The following SETD1B variants were observed in gnomAD, a reference collection of about 807,000 sequenced individuals.
SETD1B encodes the protein histone-lysine N-methyltransferase SETD1B.
SETD1B carries 7 observed loss-of-function variants against 148.0 expected under a neutral mutation model. The observed-to-expected ratio is 0.05, with a 90% CI of 0.03 to 0.09. SETD1B has a LOEUF of 0.09. Among genes scored for constraint, SETD1B ranks in the 10% least tolerant of loss-of-function variants. SETD1B has a pLI of 1.00. For synonymous variants in SETD1B, 1,361 were observed against 1,186.5 expected, an observed-to-expected ratio of 1.15 and a Z score of -3.02; for missense variants, 2,155 against 2,729.9, an observed-to-expected ratio of 0.79 and a Z score of 4.69.
In SETD1B at chr12:121,817,793, C is replaced by A. The variant is rs1418957532; in HGVS notation, c.3313-6C>A. 1 of 1,548,526 alleles carries A rather than the reference C, an allele frequency of 6.5e-7. No individual in the cohort carries two copies. Among genetic ancestry groups the A allele is most frequent in the Non-Finnish European group, 8.7e-7 (1 of 1,145,280 alleles). On this transcript the variant is annotated splice_polypyrimidine_tract_variant and splice_region_variant and intron_variant, in intron 9 of 16. Coordinates refer to ENST00000604567, the MANE Select transcript of SETD1B (RefSeq NM_001353345.2). The surrounding 1 kb of genome is among the most constrained non-coding windows in gnomAD (Gnocchi z 8.1). ...TCACCTGTCCCCACTCTTCCTTCTC[C>A]CCCAGGATGACGACGATGACGACAG...
the SETD1B span, chr12:121,793,378 C>G: frequency 6.9e-7 from 1 of 1,448,198 alleles, no homozygotes; most frequent in Non-Finnish European, 9.4e-7. Flanking sequence ...CCCGAGGGGG[C>G]GCCCCGGGGT....
rs1875632916 is a variant in SETD1B at position 121,804,713 on chromosome 12, C to T, written c.-14-11C>T. 6.5e-7 allele frequency: 1 copy of T among 1,546,272 alleles called. No individual in the cohort carries two copies. Among genetic ancestry groups the T allele is most frequent in the African/African-American group, 1.4e-5 (1 of 72,540 alleles). ...CCGCGGCGGAGACGACAACAACTTG[C>T]TGGTTTTCAGGTTGGGTTAACGGCA... On this transcript the variant is annotated splice_polypyrimidine_tract_variant and intron_variant, in intron 1 of 16. Transcript: ENST00000604567. The surrounding 1 kb of genome is among the most constrained non-coding windows in gnomAD (Gnocchi z 4.6).
In SETD1B at chr12:121,832,387, G is replaced by A. The variant is rs1043704686; in HGVS notation, c.*2148G>A. 1 of 153,498 alleles carries A rather than the reference G, an allele frequency of 6.5e-6. No individual in the cohort carries two copies. Among genetic ancestry groups the A allele is most frequent in the African/African-American group, 2.4e-5 (1 of 41,364 alleles). The allele number at this position is 153,498 out of a possible 1,614,324, so 9.5% of individuals were successfully genotyped here. A position where few individuals can be genotyped will look rare whatever the true frequency, so the allele number is the denominator to read the frequency against. ...TCTTTCAACTCCCTCATTTTTCATTGAACAAATCTCTGCTTTTCAAGAGTT... is the reference window on the plus strand; with the variant it reads ...TCTTTCAACTCCCTCATTTTTCATTAAACAAATCTCTGCTTTTCAAGAGTT... On this transcript the variant is annotated 3_prime_UTR_variant, in exon 17 of 17. Transcript: ENST00000604567.
At chr12:121,821,993 G>A (rs1876585451) in intron 11 of SETD1B, among the ~76,000 whole-genome samples, 1 of 152,108 alleles carries the variant, frequency 6.6e-6, no homozygotes, top group Non-Finnish European at 1.5e-5. Flanking sequence ...TAGGCAGGAG[G>A]ATCCCTTGAG....
rs1427978047 is a variant in SETD1B at position 121,823,150 on chromosome 12, G to A, written c.4571G>A (p.Arg1524Gln). ...PMKRKPGRPR[R>Q]SPPSMLSLDG... The stretch of plus-strand genomic sequence containing the variant: ...AAGAGGAAGCCGGGCCGGCCCCGGC[G>A]ATCCCCACCATCTATGCTCTCCTTG... Residue 1524 changes from arginine (R) to glutamine (Q), a missense_variant, in exon 12 of 17, where the codon CGA (arginine) becomes CAA (glutamine). Coordinates refer to ENST00000604567, the MANE Select transcript of SETD1B (RefSeq NM_001353345.2). 5.9e-6 allele frequency: 9 copies of A among 1,536,294 alleles called. No homozygotes were observed. The highest frequency in any genetic ancestry group is 2.5e-5 in the East Asian group (1 of 40,578).
At position 121,823,545 on chromosome 12, in the gene SETD1B, C is replaced by T. The variant is rs1876691401; in HGVS notation, c.4966C>T (p.Pro1656Ser). 6.4e-7 allele frequency: 1 copy of T among 1,551,178 alleles called. No individual in the cohort carries two copies. The highest frequency in any genetic ancestry group is 2.4e-5 in the East Asian group (1 of 40,904). ...GAAGCGCCATGAGGACCTGGTGCCA[C>T]CTGCGGGCTCGCCCGAACTCTCGCC... ...PKKRHEDLVPPAGSPELSPPQ... is the reference protein window; with the variant it reads ...PKKRHEDLVPSAGSPELSPPQ... The change falls in exon 12 of 17, where the codon CCT becomes TCT. Residue 1656 changes from proline to serine, a missense_variant. Pro to Ser is a moderately conservative substitution (Grantham distance 74). This residue lies in a region of SETD1B where 862 missense variants were observed against 873.8 expected (regional missense o/e 0.99). Transcript: ENST00000604567.
At chr12:121,828,095 C>G (rs890536473) in intron 16 of SETD1B, 25 bp downstream of exon 16, 1 of 1,550,000 alleles carries the variant, frequency 6.5e-7, no homozygotes. Context: ...GGGGGTGGCC[C>G]CTGCCCCTGC....
At chr12:121,796,767 C>A in the SETD1B span, among the ~76,000 whole-genome samples, 1 of 152,202 alleles carries the variant, frequency 6.6e-6, no homozygotes, top group African/African-American at 2.4e-5. Context: ...TCCGGCCAGG[C>A]GCGGTGGCTC....
At position 121,808,234 on chromosome 12, in the gene SETD1B, C is replaced by T. The variant is rs768779331; in HGVS notation, c.571C>T (p.Leu191=). ...KGETRMRFYE[L]LVTGRYTPQT... is the part of the protein sequence containing the mutation. Reference sequence around the variant, plus strand: ...GGAAACCCGAATGCGGTTCTATGAACTGTTGGTCACTGGCCGATACACCCC... The same window carrying T: ...GGAAACCCGAATGCGGTTCTATGAATTGTTGGTCACTGGCCGATACACCCC... Residue 191 remains leucine (L), a synonymous_variant, in exon 5 of 17, where the codon CTG becomes TTG. Coordinates refer to ENST00000604567, the MANE Select transcript of SETD1B (RefSeq NM_001353345.2). This position sits in a 1 kb window ranked among gnomAD's most constrained non-coding sequence, Gnocchi z 5.3. 40 of 1,551,328 alleles carry T rather than the reference C, an allele frequency of 2.6e-5. No individual in the cohort carries two copies. Among genetic ancestry groups the T allele is most frequent in the Non-Finnish European group, 3.5e-5 (40 of 1,146,860 alleles).
At chr12:121,815,040 C>T (rs1317803701) in intron 7 of SETD1B, 110 bp downstream of exon 7, 6 of 1,036,652 alleles carry the variant, frequency 5.8e-6, no homozygotes, top group South Asian at 1.7e-5. Context: ...TGCCGTGGAC[C>T]CCACTATGGG....
rs368841642 is a variant in SETD1B at position 121,819,636 on chromosome 12, T to C, written c.3651T>C (p.Ala1217=). 2.6e-6 allele frequency: 4 copies of C among 1,551,506 alleles called. No homozygotes were observed. In the African/African-American group the frequency reaches 5.5e-5, roughly 21 times the overall value. The change falls in exon 11 of 17, where the codon GCT becomes GCC. Residue 1217 remains alanine (A), a synonymous_variant. Coordinates refer to ENST00000604567, the MANE Select transcript of SETD1B (RefSeq NM_001353345.2). The part of the protein sequence containing the change: ...EDFEQDGEEA[A]LAPGAPAVDS... ...TTGAGCAGGACGGGGAGGAAGCGGCTCTGGCCCCGGGGGCACCTGCAGTGG... is the reference window on the plus strand; with the variant it reads ...TTGAGCAGGACGGGGAGGAAGCGGCCCTGGCCCCGGGGGCACCTGCAGTGG...
At chr12:121,816,941 T>C in intron 7 of SETD1B, 92 bp from the exon 8 acceptor site, 2 of 1,189,522 alleles carry the variant, frequency 1.7e-6, no homozygotes, top group South Asian at 3.2e-5. Flanking sequence ...TGGCTGTTAC[T>C]GCCGAGTGGA....
At chr12:121,802,937 G>A (rs1173912032), upstream of SETD1B, 3 of 152,234 alleles carry the variant, frequency 2.0e-5, no homozygotes, top group South Asian at 2.1e-4. Context: ...CCTCTCCTTC[G>A]TGTCTGATGA....
the SETD1B span, chr12:121,793,077 A>G: frequency 7.8e-7 from 1 of 1,279,862 alleles, no homozygotes; most frequent in Non-Finnish European, 1.1e-6. Context: ...GGGGACACCC[A>G]GTGGGGGACG....
Position 121,809,988 on chromosome 12 carries a change from G to A in SETD1B, c.1043G>A (p.Gly348Asp). ...GCCGGGGCCACAGCCGCTTTCCGGG[G>A]TTCCTCGGACCTCCCGTTCGGAGCA... The part of the protein sequence containing the change: ...AVAGATAAFR[G>D]SSDLPFGAVG... Residue 348 changes from glycine (G) to aspartate (D), a missense_variant, in exon 6 of 17, where the codon GGT (glycine) becomes GAT (aspartate). By Grantham distance (94) the Gly-to-Asp change is moderately conservative (BLOSUM62 -1). Coordinates refer to ENST00000604567, the MANE Select transcript of SETD1B (RefSeq NM_001353345.2). 1.9e-6 allele frequency: 3 copies of A among 1,550,744 alleles called. No individual in the cohort carries two copies. The highest frequency in any genetic ancestry group is 1.2e-5 in the South Asian group (1 of 84,046).
At chr12:121,796,311 G>A in the SETD1B span, 4 of 152,858 alleles carry the variant, frequency 2.6e-5, no homozygotes, top group African/African-American at 9.6e-5. Context: ...TTAGGCCACT[G>A]AAGCCTGGGG....
chr12:121,799,591 G>T (rs1358398629), upstream of SETD1B: 1 of 152,278 alleles, frequency 6.6e-6, no homozygotes, highest in African/African-American at 2.4e-5. Context: ...ATACTTGCAA[G>T]TGGATCCTCT....
Position 121,814,390 on chromosome 12 carries a change from GC to G in SETD1B, c.2180del (p.Pro727HisfsTer29). 1.6e-6 allele frequency: 2 copies of G among 1,231,094 alleles called. No homozygotes were observed. Among genetic ancestry groups the G allele is most frequent in the South Asian group, 1.5e-5 (1 of 64,800 alleles). 76.3% of individuals were successfully genotyped at this position (1,231,094 alleles called of 1,614,324 possible). The part of the protein sequence containing the change: ...PPPAHPAVTV[P>X]PPPLPAPPGV... Reference sequence around the variant, plus strand: ...CTCCAGCCCACCCTGCTGTGACAGTGCCCCCACCACCCTTGCCAGCGCCGCC... The same window carrying G: ...CTCCAGCCCACCCTGCTGTGACAGTGCCCCACCACCCTTGCCAGCGCCGCC... On this transcript the variant is annotated frameshift_variant, in exon 7 of 17. Coordinates refer to ENST00000604567, the MANE Select transcript of SETD1B (RefSeq NM_001353345.2). LOFTEE classifies it high-confidence loss of function.
rs1237003647 is a variant in SETD1B, at chr12:121,805,274, A to G, written c.273+58A>G. 1.4e-6 allele frequency: 2 copies of G among 1,390,318 alleles called. No individual in the cohort carries two copies. The highest frequency in any genetic ancestry group is 2.5e-5 in the East Asian group (1 of 40,038). The allele number at this position is 1,390,318 out of a possible 1,614,324, so 86.1% of individuals were successfully genotyped here. ...CCCCCACCTCCCCGAGTTCGAAAAT[A>G]ACGCCAGTCCTGACCGAGCCCAGCC... On this transcript the variant is annotated intron_variant, in intron 3 of 16. Coordinates refer to ENST00000604567, the MANE Select transcript of SETD1B (RefSeq NM_001353345.2). The surrounding 1 kb of genome is among the most constrained non-coding windows in gnomAD (Gnocchi z 4.2).
Sources: allele counts gnomAD v4.1 joint callset (sites outside exome capture counted in the v4.1 genomes callset), GRCh38; gene constraint gnomAD v4.1.1; regional missense constraint gnomAD v4.1.1; non-coding constraint Gnocchi (gnomAD v3.1); transcripts MANE v1.5; gene names NCBI Gene and HGNC (gene_info 2026-07-23, HGNC 2026-07-21).